Variants in ZNF600 observed in about 807,000 individuals in gnomAD.
The protein encoded by ZNF600 is zinc finger protein 600.
A neutral mutation model predicts 7.3 loss-of-function variants in ZNF600; 4 were observed. The observed-to-expected ratio is 0.55, with a 90% CI of 0.27 to 1.25. ZNF600 has a LOEUF of 1.25. Ranked by LOEUF, ZNF600 falls within the 50% of genes most tolerant of loss-of-function variation. The pLI is 0.12. For synonymous variants in ZNF600, 290 were observed against 308.9 expected (o/e 0.94, Z 0.64); for missense variants, 911 against 922.1 (o/e 0.99, Z 0.16).
the ZNF600 span, chr19:52,809,696 C>G: frequency 6.4e-5 from 24 of 376,260 alleles, no homozygotes; most frequent in African/African-American, 3.9e-4. Context: ...ATCTCAGCTA[C>G]TCGAGAGGCT....
the ZNF600 span, among the ~76,000 whole-genome samples, chr19:52,795,314 G>C: frequency 6.6e-6 from 1 of 152,090 alleles, no homozygotes; most frequent in Non-Finnish European, 1.5e-5. Flanking sequence ...AGTACACATT[G>C]AAACAAGCTA....
chr19:52,765,910 C>G lies in ZNF600; in HGVS notation c.2053G>C (p.Gly685Arg). 3.1e-6 allele frequency: 5 copies of G among 1,614,138 alleles called. No individual in the cohort carries two copies. In the South Asian group the frequency reaches 5.5e-5, roughly 18 times the overall value. ...TGTGATTGTTGATTAAAAGCCTTCC[C>G]ACATTCATTACACTTGTAAGGTTTC... Residue 685 changes from glycine (G) to arginine (R), a missense_variant, in exon 4 of 4, where the codon GGG (glycine) becomes CGG (arginine). By Grantham distance (125) the Gly-to-Arg change is moderately radical (BLOSUM62 -2). Transcript: ENST00000648973.
the ZNF600 span, among the ~76,000 whole-genome samples, chr19:52,792,744 T>A: frequency 1.3e-5 from 2 of 151,156 alleles, no homozygotes; most frequent in South Asian, 2.1e-4. Context: ...TTATTTATTT[T>A]ATTTTTGAGA....
In ZNF600 at chr19:52,769,570, G is replaced by A. The variant is rs540659828; in HGVS notation, c.191-1798C>T. 1.8e-4 allele frequency among the ~76,000 whole-genome samples: 28 copies of A among 152,202 alleles called. No individual in the cohort carries two copies. In the East Asian group the frequency reaches 2.9e-3, roughly 16 times the overall value. On this transcript the variant is annotated intron_variant, in intron 3 of 3. Coordinates refer to ENST00000648973, the Ensembl canonical transcript of ZNF600. ...TGTCTTGTATCCAATAAATATCAGCGCAGCCTGGCATTCAGGGCCACTACC... is the reference window on the plus strand; with the variant it reads ...TGTCTTGTATCCAATAAATATCAGCACAGCCTGGCATTCAGGGCCACTACC...
intron 1 of ZNF600, among the ~76,000 whole-genome samples, chr19:52,785,880 T>C (rs532029145): frequency 6.6e-6 from 1 of 152,288 alleles, no homozygotes; most frequent in East Asian, 1.9e-4. Context: ...ACATCTAGCT[T>C]TTCTCTACAT....
At chr19:52,817,537 C>G in the ZNF600 span, among the ~76,000 whole-genome samples, 119 of 152,164 alleles carry the variant, frequency 7.8e-4, 2 homozygotes, top group East Asian at 0.021. Context: ...TTATTGGTCT[C>G]CTTTTCTAGA....
chr19:52,770,619 C>G (rs1218887647), intron 3 of ZNF600, among the ~76,000 whole-genome samples: 1 of 151,972 alleles, frequency 6.6e-6, no homozygotes, highest in African/African-American at 2.4e-5. Context: ...AATTTATAAA[C>G]AGATCAGAGA....
At chr19:52,785,810 T>C (rs955701691) in intron 1 of ZNF600, among the ~76,000 whole-genome samples, 1 of 152,118 alleles carries the variant, frequency 6.6e-6, no homozygotes, top group African/African-American at 2.4e-5. Context: ...TCTCCCTCAC[T>C]CTGGTGAGCC....
At chr19:52,832,926 G>A in the ZNF600 span, among the ~76,000 whole-genome samples, 3 of 151,862 alleles carry the variant, frequency 2.0e-5, no homozygotes, top group African/African-American at 4.8e-5. Flanking sequence ...CATGAGCCAC[G>A]ACTTCCAGCT....
the ZNF600 span, chr19:52,799,077 A>G: frequency 2.2e-6 from 1 of 446,428 alleles, no homozygotes; most frequent in Non-Finnish European, 4.3e-6. Context: ...GTGACTGACA[A>G]CTTTGTCACA....
chr19:52,817,893 G>C, the ZNF600 span: 1 of 1,608,596 alleles, frequency 6.2e-7, no homozygotes, highest in Non-Finnish European at 8.5e-7. Flanking sequence ...CCAAGGCCCA[G>C]CGTTTCTGAA....
chr19:52,789,571 G>A (rs1365875561), upstream of ZNF600, among the ~76,000 whole-genome samples: 1 of 152,162 alleles, frequency 6.6e-6, no homozygotes, highest in Non-Finnish European at 1.5e-5. Flanking sequence ...CTGGGCAATG[G>A]AGCGAGACTC....
At chr19:52,778,684 G>A (rs1420918162) in intron 2 of ZNF600, 142 bp downstream of exon 4, 1 of 1,154,080 alleles carries the variant, frequency 8.7e-7, no homozygotes, top group East Asian at 2.5e-5. Flanking sequence ...GAGCAGCTGA[G>A]AGGAACTAAG....
At chr19:52,807,686 G>A in the ZNF600 span, among the ~76,000 whole-genome samples, 1 of 152,176 alleles carries the variant, frequency 6.6e-6, no homozygotes, top group East Asian at 1.9e-4. Flanking sequence ...TGTTGGCCAT[G>A]CTGGTTTTGA....
chr19:52,815,844 C>T, the ZNF600 span, among the ~76,000 whole-genome samples: 3,174 of 146,642 alleles, frequency 0.022, 588 homozygotes, highest in African/African-American at 0.08. Context: ...AAATAACTAT[C>T]GTGTACTGGC....
chr19:52,792,875 G>A, the ZNF600 span, among the ~76,000 whole-genome samples: 1 of 151,780 alleles, frequency 6.6e-6, no homozygotes, highest in East Asian at 2.0e-4. Flanking sequence ...TGGGACTACA[G>A]GTGCCCACCG....
chr19:52,766,498 C>T, exon 4 of ZNF600: 1 of 1,613,532 alleles, frequency 6.2e-7, no homozygotes, highest in Non-Finnish European at 8.5e-7. Context: ...AAGGTCTTCC[C>T]ACATTCATTA....
At chr19:52,808,484 GAGAC>G in the ZNF600 span, among the ~76,000 whole-genome samples, 1 of 151,906 alleles carries the variant, frequency 6.6e-6, no homozygotes, top group Non-Finnish European at 1.5e-5. Context: ...TCCACAGTAA[GAGAC>G]AGGCTGGGCA....
At chr19:52,811,734 G>C in the ZNF600 span, among the ~76,000 whole-genome samples, 1,209 of 149,446 alleles carry the variant, frequency 8.1e-3, 15 homozygotes, top group African/African-American at 0.028. Context: ...GTCTCCGCCC[G>C]GCAGCCGCCC....
Sources: allele counts gnomAD v4.1 joint callset (sites outside exome capture counted in the v4.1 genomes callset), GRCh38; gene constraint gnomAD v4.1.1; transcripts MANE v1.5; gene names NCBI Gene and HGNC (gene_info 2026-07-23, HGNC 2026-07-21).